The following SLC36A1 variants were observed in gnomAD, a reference collection of about 807,000 sequenced individuals.
The protein encoded by SLC36A1 is solute carrier family 36 member 1.
Under a neutral mutation model 47.5 loss-of-function variants are expected in SLC36A1, and 30 were observed. The ratio of observed to expected loss-of-function variants is 0.63; its 90% confidence interval spans 0.47 to 0.86. The LOEUF (loss-of-function observed/expected upper bound fraction) is 0.86, where lower values mean the gene tolerates loss of function less well. Ranked by LOEUF, SLC36A1 falls within the 40% of genes least tolerant of loss-of-function variation. SLC36A1 has a pLI of 0.00. For missense variants in SLC36A1, 517 were observed against 606.0 expected (o/e 0.85, Z 1.54); for synonymous variants, 255 against 249.7 (o/e 1.02, Z -0.20).
At chr5:151,358,923 G>A in the SLC36A1 span, among the ~76,000 whole-genome samples, 20 of 144,038 alleles carry the variant, frequency 1.4e-4, no homozygotes, top group Admixed American at 4.2e-4. Flanking sequence ...GCAGTGAGCC[G>A]AGATTGCGCC....
chr5:151,458,958 T>A (rs760993955), intron 2 of SLC36A1, 23 bp downstream of exon 2: 3 of 1,589,598 alleles, frequency 1.9e-6, no homozygotes, highest in Non-Finnish European at 1.7e-6. Flanking sequence ...TACCTTCTCC[T>A]CTCCTGGGTG....
chr5:151,388,756 A>C, the SLC36A1 span, among the ~76,000 whole-genome samples: 3 of 152,114 alleles, frequency 2.0e-5, no homozygotes, highest in South Asian at 6.2e-4. Flanking sequence ...TATACTGGAA[A>C]AACTAAAAAA....
At chr5:151,499,398 C>T in the SLC36A1 span, among the ~76,000 whole-genome samples, 1 of 152,202 alleles carries the variant, frequency 6.6e-6, no homozygotes, top group African/African-American at 2.4e-5. Context: ...TGTTTCAAGT[C>T]GTGCAAAGAG....
the SLC36A1 span, chr5:151,378,222 C>A: frequency 4.4e-6 from 1 of 226,466 alleles, no homozygotes; most frequent in East Asian, 1.1e-4. Flanking sequence ...AAACCACTTG[C>A]CAATACATAC....
At chr5:151,517,865 C>T in the SLC36A1 span, 12 of 1,411,816 alleles carry the variant, frequency 8.5e-6, no homozygotes, top group Non-Finnish European at 9.8e-6. Flanking sequence ...CAGACAGAAT[C>T]ATTGCTCATA....
the SLC36A1 span, among the ~76,000 whole-genome samples, chr5:151,359,252 A>T: frequency 6.6e-6 from 1 of 152,196 alleles, no homozygotes; most frequent in Non-Finnish European, 1.5e-5. Context: ...CTTTCAAACA[A>T]CATCCACAAA....
chr5:151,359,332 G>A, the SLC36A1 span, among the ~76,000 whole-genome samples: 1 of 152,060 alleles, frequency 6.6e-6, no homozygotes, highest in African/African-American at 2.4e-5. Flanking sequence ...ATACAACATC[G>A]AATTGCAAGA....
At chr5:151,492,988 C>G (rs1760230258), downstream of SLC36A1, among the ~76,000 whole-genome samples, 1 of 152,142 alleles carries the variant, frequency 6.6e-6, no homozygotes, top group Non-Finnish European at 1.5e-5. Flanking sequence ...CTCTCAGTCT[C>G]TCTATGTGTA....
the SLC36A1 span, chr5:151,528,213 C>T: frequency 6.5e-7 from 1 of 1,540,084 alleles, no homozygotes; most frequent in African/African-American, 1.4e-5. Flanking sequence ...AGATATGTCC[C>T]TGCCCCAGTG....
the SLC36A1 span, chr5:151,510,422 T>G: frequency 2.4e-6 from 1 of 422,872 alleles, no homozygotes; most frequent in Non-Finnish European, 4.4e-6. Flanking sequence ...ATAAACAGGA[T>G]AACAACCATA....
chr5:151,440,111 T>A (rs1470216967), intron 1 of SLC36A1, among the ~76,000 whole-genome samples: 4 of 152,268 alleles, frequency 2.6e-5, no homozygotes, highest in African/African-American at 7.2e-5. Context: ...CTCTGTATAG[T>A]GACAAAAGTA....
In SLC36A1 at chr5:151,489,032, T is replaced by G. The variant is rs1031343496; in HGVS notation, c.*778T>G. 6.6e-6 allele frequency: 1 copy of G among 151,570 alleles called. No individual in the cohort carries two copies. The highest frequency in any genetic ancestry group is 1.5e-5 in the Non-Finnish European group (1 of 67,902). 9.4% of individuals were successfully genotyped at this position (151,570 alleles called of 1,614,324 possible). A position where few individuals can be genotyped will look rare whatever the true frequency, so the allele number is the denominator to read the frequency against. On this transcript the variant is annotated 3_prime_UTR_variant, in exon 11 of 11. Coordinates refer to ENST00000243389, the MANE Select transcript of SLC36A1 (RefSeq NM_078483.4). This position sits in a 1 kb window ranked among gnomAD's most constrained non-coding sequence, Gnocchi z 4.5. ...ACGAATCACTTCTTCTTCAGTAAAC[T>G]TTGACTCAACTTCTCCTGCTGAAAA...
At chr5:151,546,128 C>T in the SLC36A1 span, 2 of 1,614,108 alleles carry the variant, frequency 1.2e-6, no homozygotes, top group Non-Finnish European at 1.7e-6. Context: ...GGGATCTCTA[C>T]AAAGTACTCA....
the SLC36A1 span, among the ~76,000 whole-genome samples, chr5:151,422,448 G>T: frequency 5.0e-4 from 76 of 152,330 alleles, no homozygotes; most frequent in East Asian, 9.3e-3. Flanking sequence ...TGGAACAGTG[G>T]CTCATGCCTG....
the SLC36A1 span, chr5:151,527,976 G>T: frequency 6.2e-7 from 1 of 1,612,706 alleles, no homozygotes; most frequent in Non-Finnish European, 8.5e-7. Context: ...CTCAGGGTGC[G>T]CCCCTCCCAC....
At chr5:151,524,191 C>T in the SLC36A1 span, among the ~76,000 whole-genome samples, 3 of 152,264 alleles carry the variant, frequency 2.0e-5, no homozygotes, top group South Asian at 2.1e-4. Context: ...TCTCATTGTA[C>T]TTAGATTAGA....
Position 151,454,710 on chromosome 5 carries a change from C to CTTTTTTTT in SLC36A1, c.-5-4065_-5-4058dup, listed in dbSNP as rs34814099. On this transcript the variant is annotated intron_variant, in intron 1 of 10. Transcript: ENST00000243389. Reference sequence around the variant, plus strand: ...ATAACAAGTCTAATCCATGTGACAGCTTTTTTTTTTTTTTTTTTTTGAGAC... The same window carrying CTTTTTTTT: ...ATAACAAGTCTAATCCATGTGACAGCTTTTTTTTTTTTTTTTTTTTTTTTTTTTGAGAC... Among the ~76,000 whole-genome samples, 8 of 107,922 alleles carry CTTTTTTTT rather than the reference C, an allele frequency of 7.4e-5. 1 individual carries two copies. Among genetic ancestry groups the CTTTTTTTT allele is most frequent in the African/African-American group, 1.5e-4 (4 of 27,586 alleles). The allele number at this position is 107,922 out of a possible 152,430, so 70.8% of individuals were successfully genotyped here.
At chr5:151,481,691 T>C (rs1315310787) in intron 10 of SLC36A1, among the ~76,000 whole-genome samples, 1 of 151,712 alleles carries the variant, frequency 6.6e-6, no homozygotes, top group African/African-American at 2.4e-5. Flanking sequence ...TCCCCCATCC[T>C]CCAAAGATTA....
chr5:151,507,526 A>G, the SLC36A1 span: 3 of 1,613,442 alleles, frequency 1.9e-6, no homozygotes, highest in Non-Finnish European at 2.5e-6. Flanking sequence ...ATGATCAGTA[A>G]CTCCTGCTGC....
Sources: allele counts gnomAD v4.1 joint callset (sites outside exome capture counted in the v4.1 genomes callset), GRCh38; gene constraint gnomAD v4.1.1; non-coding constraint Gnocchi (gnomAD v3.1); transcripts MANE v1.5; gene names NCBI Gene and HGNC (gene_info 2026-07-23, HGNC 2026-07-21).